The following DTWD2 variants were observed in gnomAD, a reference collection of about 807,000 sequenced individuals.
The protein encoded by DTWD2 is DTW motif tRNA-uridine aminocarboxypropyltransferase 2.
A neutral mutation model predicts 31.8 loss-of-function variants in DTWD2; 39 were observed. That is an observed-to-expected ratio of 1.22 (90% CI 0.95 to 1.60). The LOEUF (loss-of-function observed/expected upper bound fraction) is 1.60, where lower values mean the gene tolerates loss of function less well. Ranked by LOEUF, DTWD2 falls within the 40% of genes most tolerant of loss-of-function variation. The pLI is 0.00. For synonymous variants in DTWD2, 180 were observed against 142.8 expected, an observed-to-expected ratio of 1.26 and a Z score of -1.86; for missense variants, 515 against 381.5, an observed-to-expected ratio of 1.35 and a Z score of -2.92.
intron 5 of DTWD2, 43 bp downstream of exon 5, chr5:118,848,044 TAAG>T (rs1195640910): frequency 8.3e-6 from 12 of 1,454,382 alleles, no homozygotes; most frequent in African/African-American, 2.9e-5. Context: ...AGGTAAAATC[TAAG>T]AAAACTCCCA....
Position 118,988,506 on chromosome 5 carries a change from C to A in DTWD2, c.6G>T (p.Glu2Asp). M[E>D]SQKEARTLQE... ...GGAGTGTTCGTGCCTCTTTCTGCGA[C>A]TCCATGGCGGACACTCCGGTCAGGC... The change falls in exon 1 of 6, where the codon GAG becomes GAT. Residue 2 changes from glutamate (E) to aspartate (D), a missense_variant. Transcript: ENST00000510708. The A allele has an allele frequency of 1.3e-6, 2 of 1,563,544 alleles. No homozygotes were observed. Among genetic ancestry groups the A allele is most frequent in the South Asian group, 1.2e-5 (1 of 86,098 alleles).
At chr5:118,931,739 G>C (rs1224197744) in intron 3 of DTWD2, among the ~76,000 whole-genome samples, 4 of 152,066 alleles carry the variant, frequency 2.6e-5, no homozygotes, top group African/African-American at 9.7e-5. Flanking sequence ...CAATCAACTT[G>C]ATCTAATTGA....
At chr5:118,971,238 C>A in intron 1 of DTWD2, among the ~76,000 whole-genome samples, 1 of 152,046 alleles carries the variant, frequency 6.6e-6, no homozygotes, top group East Asian at 1.9e-4. Flanking sequence ...TTCAAGAGAC[C>A]CATCTCACAT....
Position 118,836,873 on chromosome 5 carries a change from C to A in DTWD2, c.*4044G>T, listed in dbSNP as rs973758012. Among the ~76,000 whole-genome samples the A allele has an allele frequency of 6.6e-6, 1 of 152,278 alleles. No homozygotes were observed. The highest frequency in any genetic ancestry group is 1.5e-5 in the Non-Finnish European group (1 of 68,018). ...CTCCAGACTTAGAAGAAATAAATTT[C>A]TGTTTTTTATAAGCTATCCAGTCTC... is the stretch of plus-strand genomic sequence containing the variant. On this transcript the variant is annotated 3_prime_UTR_variant, in exon 6 of 6. Coordinates refer to ENST00000510708, the MANE Select transcript of DTWD2 (RefSeq NM_173666.4).
intron 1 of DTWD2, among the ~76,000 whole-genome samples, chr5:118,981,847 T>C (rs1755309142): frequency 6.6e-6 from 1 of 152,026 alleles, no homozygotes; most frequent in African/African-American, 2.4e-5. Flanking sequence ...TGGCCAAAGG[T>C]AAAGGAAAAG....
At chr5:118,852,376 G>A (rs1356267708) in intron 4 of DTWD2, among the ~76,000 whole-genome samples, 1 of 152,132 alleles carries the variant, frequency 6.6e-6, no homozygotes, top group Non-Finnish European at 1.5e-5. Flanking sequence ...AAGTAAGACA[G>A]GTGTAAGAAA....
intron 4 of DTWD2, among the ~76,000 whole-genome samples, chr5:118,888,939 CTG>C (rs1752923331): frequency 6.6e-6 from 1 of 152,112 alleles, no homozygotes; most frequent in Non-Finnish European, 1.5e-5. Flanking sequence ...GGATTTTTAA[CTG>C]AGATGTTTAC....
chr5:118,934,136 T>G (rs1039712036), intron 3 of DTWD2, among the ~76,000 whole-genome samples: 1 of 149,932 alleles, frequency 6.7e-6, no homozygotes, highest in Non-Finnish European at 1.5e-5. Flanking sequence ...TAAAAAACAC[T>G]GATAAAAAGC....
intron 2 of DTWD2, among the ~76,000 whole-genome samples, chr5:118,943,552 A>G (rs1314340134): frequency 1.4e-5 from 2 of 147,632 alleles, no homozygotes; most frequent in Non-Finnish European, 3.0e-5. Context: ...CTCCGTCTCA[A>G]AAAAAAAAAA....
At chr5:118,954,634 T>C (rs1165084000) in intron 1 of DTWD2, among the ~76,000 whole-genome samples, 1 of 152,196 alleles carries the variant, frequency 6.6e-6, no homozygotes, top group Non-Finnish European at 1.5e-5. Context: ...TGCCTCAGCC[T>C]CGTGAGTAGC....
intron 4 of DTWD2, among the ~76,000 whole-genome samples, chr5:118,890,847 G>A (rs1752963491): frequency 6.6e-6 from 1 of 152,162 alleles, no homozygotes; most frequent in African/African-American, 2.4e-5. Flanking sequence ...GGGATTACAG[G>A]CGTGGGCCAC....
chr5:118,897,472 C>G (rs1045429131), intron 4 of DTWD2, among the ~76,000 whole-genome samples: 3 of 152,194 alleles, frequency 2.0e-5, no homozygotes, highest in Admixed American at 1.3e-4. Context: ...ATAGTTTAGG[C>G]ACAGTGAGCC....
intron 4 of DTWD2, among the ~76,000 whole-genome samples, chr5:118,867,460 T>G (rs966048930): frequency 1.3e-5 from 2 of 152,190 alleles, no homozygotes; most frequent in Non-Finnish European, 2.9e-5. Context: ...AAGACAATTT[T>G]TCAAGACAGC....
chr5:118,937,913 A>G (rs1754080797), intron 3 of DTWD2, among the ~76,000 whole-genome samples: 2 of 152,162 alleles, frequency 1.3e-5, no homozygotes, highest in South Asian at 2.1e-4. Flanking sequence ...CAGCCATACT[A>G]TAGTATTCTC....
chr5:118,887,904 G>A (rs1752901530), intron 4 of DTWD2, among the ~76,000 whole-genome samples: 1 of 152,144 alleles, frequency 6.6e-6, no homozygotes, highest in African/African-American at 2.4e-5. Flanking sequence ...GCCTCCCAAA[G>A]TTGTGGGATT....
chr5:118,861,202 A>G (rs182298239), intron 4 of DTWD2, among the ~76,000 whole-genome samples: 1 of 152,366 alleles, frequency 6.6e-6, no homozygotes, highest in Admixed American at 6.5e-5. Flanking sequence ...ACATTGTGCA[A>G]TGCAGTTTTT....
At chr5:118,977,926 G>A (rs1755203249) in intron 1 of DTWD2, among the ~76,000 whole-genome samples, 1 of 152,170 alleles carries the variant, frequency 6.6e-6, no homozygotes, top group African/African-American at 2.4e-5. Context: ...CTACCTGAGA[G>A]GCATTACACT....
At chr5:118,981,571 C>G (rs971672002) in intron 1 of DTWD2, among the ~76,000 whole-genome samples, 7 of 151,930 alleles carry the variant, frequency 4.6e-5, no homozygotes, top group African/African-American at 1.7e-4. Context: ...ACCCCTCCCT[C>G]TCTCTAAGAG....
intron 4 of DTWD2, among the ~76,000 whole-genome samples, chr5:118,905,916 C>T (rs1216453602): frequency 6.6e-6 from 1 of 151,994 alleles, no homozygotes; most frequent in Non-Finnish European, 1.5e-5. Flanking sequence ...CAAGAGACTG[C>T]TTAGAGGATA....
Sources: allele counts gnomAD v4.1 joint callset (sites outside exome capture counted in the v4.1 genomes callset), GRCh38; gene constraint gnomAD v4.1.1; transcripts MANE v1.5; gene names NCBI Gene and HGNC (gene_info 2026-07-23, HGNC 2026-07-21).